CATSPERT: variants seen among roughly 807,000 people sequenced by gnomAD.
CATSPERT encodes the protein catsper channel auxiliary subunit tau, also known as cation channel sperm-associated targeting subunit tau.
At chr2:201,614,508 C>A in the CATSPERT span, among the ~76,000 whole-genome samples, 2 of 152,142 alleles carry the variant, frequency 1.3e-5, no homozygotes, top group African/African-American at 4.8e-5. Context: ...CAAACAAATG[C>A]TGAGAGATTT....
At chr2:201,535,512 A>T in the CATSPERT span, 1 of 926,576 alleles carries the variant, frequency 1.1e-6, no homozygotes, top group Non-Finnish European at 1.3e-6. Flanking sequence ...TAATAGTTTT[A>T]TTAAGAATTT....
chr2:201,496,103 C>A, the CATSPERT span: 1 of 494,492 alleles, frequency 2.0e-6, no homozygotes, highest in Non-Finnish European at 3.4e-6. Flanking sequence ...CTATACCTTG[C>A]CAATTATGAA....
chr2:201,547,614 A>T, the CATSPERT span: 1 of 1,441,070 alleles, frequency 6.9e-7, no homozygotes, highest in Non-Finnish European at 9.4e-7. Flanking sequence ...TTCCAGCCTA[A>T]AGAAAGAAAT....
the CATSPERT span, chr2:201,535,948 G>A: frequency 6.3e-7 from 1 of 1,584,036 alleles, no homozygotes; most frequent in East Asian, 2.3e-5. Context: ...TTGTTGTTTT[G>A]CCAGCTAATT....
At chr2:201,494,142 G>A in the CATSPERT span, 5 of 1,532,568 alleles carry the variant, frequency 3.3e-6, no homozygotes, top group Admixed American at 4.0e-5. Flanking sequence ...AAAGCCAGTT[G>A]TTTAAATCTT....
the CATSPERT span, chr2:201,574,162 G>A: frequency 1.2e-5 from 16 of 1,351,762 alleles, no homozygotes; most frequent in Non-Finnish European, 1.0e-6. Flanking sequence ...AGGACGATTT[G>A]ACTGAAGAGT....
chr2:201,490,172 G>A, the CATSPERT span, among the ~76,000 whole-genome samples: 15 of 152,138 alleles, frequency 9.9e-5, no homozygotes, highest in Non-Finnish European at 1.9e-4. Flanking sequence ...ATTGTTTTAT[G>A]TTAATATTAA....
the CATSPERT span, chr2:201,571,976 A>G: frequency 1.9e-6 from 3 of 1,613,520 alleles, no homozygotes; most frequent in Non-Finnish European, 2.5e-6. Context: ...GTGGTGCAAG[A>G]TTCATAAACA....
At chr2:201,590,996 C>T in the CATSPERT span, among the ~76,000 whole-genome samples, 1 of 152,300 alleles carries the variant, frequency 6.6e-6, no homozygotes, top group South Asian at 2.1e-4. Context: ...AATTAGATCC[C>T]ATTTGTCAAT....
At chr2:201,594,292 T>C in the CATSPERT span, among the ~76,000 whole-genome samples, 1 of 152,212 alleles carries the variant, frequency 6.6e-6, no homozygotes, top group East Asian at 1.9e-4. Flanking sequence ...TCTTTAAGAA[T>C]GTTGAATATT....
the CATSPERT span, chr2:201,496,086 A>G: frequency 8.3e-6 from 5 of 599,988 alleles, no homozygotes; most frequent in Non-Finnish European, 1.4e-5. Context: ...TATTTTTATC[A>G]TAACAACTAT....
chr2:201,523,298 T>C, the CATSPERT span, among the ~76,000 whole-genome samples: 1 of 152,190 alleles, frequency 6.6e-6, no homozygotes. Context: ...CAGCAGATGC[T>C]TAACCTTGAG....
the CATSPERT span, chr2:201,537,292 C>T: frequency 3.8e-5 from 22 of 581,812 alleles, no homozygotes; most frequent in African/African-American, 2.4e-4. Context: ...TGTAACTATA[C>T]AGATATTGCC....
At chr2:201,492,569 T>G in the CATSPERT span, 1 of 1,533,234 alleles carries the variant, frequency 6.5e-7, no homozygotes, top group South Asian at 1.2e-5. Context: ...TTTGGGTATA[T>G]AGTCTCAGAT....
At chr2:201,487,640 C>T in the CATSPERT span, 2,546 of 1,606,542 alleles carry the variant, frequency 1.6e-3, 14 homozygotes, top group South Asian at 0.01. Flanking sequence ...TTTTTTTGGC[C>T]GCATTTTATG....
the CATSPERT span, among the ~76,000 whole-genome samples, chr2:201,592,867 TC>T: frequency 6.6e-6 from 1 of 152,164 alleles, no homozygotes; most frequent in African/African-American, 2.4e-5. Flanking sequence ...TTGATTCTTC[TC>T]TCTTTTTTTC....
the CATSPERT span, chr2:201,493,524 T>TA: frequency 6.5e-7 from 1 of 1,537,034 alleles, no homozygotes; most frequent in Non-Finnish European, 8.7e-7. Context: ...TCCCAGATTC[T>TA]AAAAGTGTAT....
chr2:201,557,876 A>C, the CATSPERT span: 1 of 152,226 alleles, frequency 6.6e-6, no homozygotes, highest in South Asian at 2.1e-4. Context: ...TATGCTGTTT[A>C]TATGCTCCAG....
the CATSPERT span, among the ~76,000 whole-genome samples, chr2:201,533,654 GA>G: frequency 6.6e-6 from 1 of 152,170 alleles, no homozygotes; most frequent in Admixed American, 6.5e-5. Flanking sequence ...GCATGACATT[GA>G]GGATCTTGGG....
Sources: gnomAD v4.1 joint callset for allele counts (sites outside exome capture counted in the v4.1 genomes callset) on GRCh38, gnomAD v4.1.1 for gene constraint, MANE v1.5 for transcripts, NCBI Gene and HGNC (gene_info 2026-07-23, HGNC 2026-07-21) for gene names.